COG5: variants seen among roughly 807,000 people sequenced by gnomAD.
COG5 encodes conserved oligomeric Golgi complex subunit 5.
Under a neutral mutation model 110.4 loss-of-function variants are expected in COG5, and 86 were observed. That is an observed-to-expected ratio of 0.78 (90% CI 0.65 to 0.93). The LOEUF (loss-of-function observed/expected upper bound fraction) is 0.93. Among genes scored for constraint, COG5 ranks in the 40% least tolerant of loss-of-function variants. The probability of loss-of-function intolerance (pLI) is 0.00; values close to 1 mark genes in which losing one functional copy is unlikely to be tolerated. For synonymous variants in COG5, 360 were observed against 334.6 expected (o/e 1.08, Z -0.83); for missense variants, 1,077 against 987.0 (o/e 1.09, Z -1.22).
chr7:107,493,191 GC>G (rs1165548652), intron 6 of COG5, among the ~76,000 whole-genome samples: 2 of 152,168 alleles, frequency 1.3e-5, no homozygotes, highest in African/African-American at 4.8e-5. Context: ...ACGTAAGGAT[GC>G]AGCACGAAGG....
chr7:107,279,661 A>C (rs1480258316), intron 14 of COG5, among the ~76,000 whole-genome samples: 1 of 152,176 alleles, frequency 6.6e-6, no homozygotes, highest in African/African-American at 2.4e-5. Flanking sequence ...ATTTTTAAAA[A>C]TAAGGCATAT....
intron 3 of COG5, among the ~76,000 whole-genome samples, chr7:107,548,619 G>A (rs913328987): frequency 3.9e-5 from 6 of 152,192 alleles, no homozygotes; most frequent in African/African-American, 1.2e-4. Context: ...CCTAGATACT[G>A]AGGATGGTTG....
intron 12 of COG5, among the ~76,000 whole-genome samples, chr7:107,288,137 G>T (rs1051654827): frequency 6.6e-6 from 1 of 152,180 alleles, no homozygotes; most frequent in African/African-American, 2.4e-5. Context: ...GCTGAGGCAG[G>T]AGGATCCCTT....
chr7:107,435,436 T>C (rs1441868995), intron 6 of COG5, among the ~76,000 whole-genome samples: 2 of 152,138 alleles, frequency 1.3e-5, no homozygotes, highest in African/African-American at 4.8e-5. Flanking sequence ...GTGGATCACT[T>C]GAGGTCAGGA....
intron 5 of COG5, among the ~76,000 whole-genome samples, chr7:107,538,469 G>T (rs950915302): frequency 1.3e-5 from 2 of 151,908 alleles, no homozygotes; most frequent in Admixed American, 6.6e-5. Flanking sequence ...TCTTTCTTTC[G>T]CCTATTAAAC....
rs548482153 is a variant in COG5, at chr7:107,365,115, C to T, written c.836-2695G>A. 1.1e-4 allele frequency among the ~76,000 whole-genome samples: 16 copies of T among 152,046 alleles called. No individual in the cohort carries two copies. In the South Asian group the frequency reaches 3.1e-3, roughly 30 times the overall value. On this transcript the variant is annotated intron_variant, in intron 8 of 21. Coordinates refer to ENST00000297135, the MANE Select transcript of COG5 (RefSeq NM_006348.5). ...TTATGAAACCCTTTAACCTATTATT[C>T]TTTTAAATACAAGCAGAAATACAAG...
At chr7:107,296,221 G>A (rs1411181544) in intron 12 of COG5, among the ~76,000 whole-genome samples, 1 of 147,054 alleles carries the variant, frequency 6.8e-6, no homozygotes, top group Non-Finnish European at 1.5e-5. Context: ...TTCACACAAG[G>A]AACATATATT....
At chr7:107,354,830 T>G (rs1052203208) in intron 10 of COG5, among the ~76,000 whole-genome samples, 1 of 152,216 alleles carries the variant, frequency 6.6e-6, no homozygotes, top group African/African-American at 2.4e-5. Flanking sequence ...TATTTGAGAT[T>G]ACATGACCTA....
At chr7:107,212,117 T>A (rs1175359592) in intron 19 of COG5, among the ~76,000 whole-genome samples, 1 of 152,194 alleles carries the variant, frequency 6.6e-6, no homozygotes, top group Non-Finnish European at 1.5e-5. Flanking sequence ...AATGATAAGG[T>A]CAAGAGTCAA....
chr7:107,508,875 T>C (rs1024358028), intron 6 of COG5, among the ~76,000 whole-genome samples: 4 of 152,028 alleles, frequency 2.6e-5, no homozygotes, highest in Non-Finnish European at 4.4e-5. Context: ...AGAAAGGACA[T>C]CCACACCAAA....
In COG5 at chr7:107,289,363, A is replaced by G. The variant is rs114840256; in HGVS notation, c.1314-5631T>C. Among the ~76,000 whole-genome samples the G allele has an allele frequency of 1.2e-3, 177 of 152,244 alleles. 2 individuals are homozygous for G. The highest frequency in any genetic ancestry group is 4.0e-3 in the African/African-American group (168 of 41,562). On this transcript the variant is annotated intron_variant, in intron 12 of 21. Coordinates refer to ENST00000297135, the MANE Select transcript of COG5 (RefSeq NM_006348.5). ...CTTCTATACTCTCAGTTTTATGTCT[A>G]TCCTTGTGCCAGGCAGTACTATACC...
intron 21 of COG5, chr7:107,209,917 G>A: frequency 4.1e-6 from 4 of 986,492 alleles, no homozygotes; most frequent in Non-Finnish European, 4.8e-6. Flanking sequence ...GATGGTGAGA[G>A]CAGTTGCAGG....
intron 6 of COG5, among the ~76,000 whole-genome samples, chr7:107,426,500 C>T (rs148622553): frequency 2.0e-5 from 3 of 152,258 alleles, no homozygotes; most frequent in East Asian, 1.9e-4. Flanking sequence ...AGGGTGCCAA[C>T]ATGGTCAGCT....
intron 6 of COG5, among the ~76,000 whole-genome samples, chr7:107,478,294 TTA>T (rs1797109740): frequency 6.6e-6 from 1 of 151,988 alleles, no homozygotes; most frequent in Non-Finnish European, 1.5e-5. Context: ...TTATTTATAA[TTA>T]TATGTCTTTT....
At chr7:107,419,832 T>G (rs1046427760) in intron 6 of COG5, among the ~76,000 whole-genome samples, 3 of 152,164 alleles carry the variant, frequency 2.0e-5, no homozygotes, top group Non-Finnish European at 4.4e-5. Context: ...CCTCCCAAAG[T>G]GCTGGGATTA....
chr7:107,563,762 G>A (rs759411310), intron 1 of COG5, 41 bp downstream of exon 1: 8 of 1,608,018 alleles, frequency 5.0e-6, no homozygotes, highest in Admixed American at 3.3e-5. Context: ...GAGCAGCGCA[G>A]ACCCCCAACC....
In COG5 at chr7:107,201,879, C is replaced by T. The variant is rs147954001; in HGVS notation, c.*1637G>A. The stretch of plus-strand genomic sequence containing the variant: ...ATGAAATGAAGCAGAAGCTGGGAGT[C>T]GGCCTTTCCTCTAGTAACCACCACA... On this transcript the variant is annotated 3_prime_UTR_variant, in exon 22 of 22. Transcript: ENST00000297135. 4.4e-3 allele frequency: 672 copies of T among 153,454 alleles called. 4 individuals are homozygous for T. Among genetic ancestry groups the T allele is most frequent in the Middle Eastern group, 0.02 (6 of 294 alleles). The allele number at this position is 153,454 out of a possible 1,614,324, so 9.5% of individuals were successfully genotyped here. A position where few individuals can be genotyped will look rare whatever the true frequency, so the allele number is the denominator to read the frequency against.
intron 6 of COG5, among the ~76,000 whole-genome samples, chr7:107,470,914 G>A (rs1400314810): frequency 6.6e-6 from 1 of 151,764 alleles, no homozygotes; most frequent in Non-Finnish European, 1.5e-5. Context: ...GAAATTTATA[G>A]TATCTTATGA....
intron 14 of COG5, among the ~76,000 whole-genome samples, chr7:107,270,017 C>T (rs970564110): frequency 1.3e-5 from 2 of 152,162 alleles, no homozygotes; most frequent in South Asian, 2.1e-4. Flanking sequence ...CACTTTATGG[C>T]GGTATAACCA....
Sources: gnomAD v4.1 joint callset for allele counts (sites outside exome capture counted in the v4.1 genomes callset) on GRCh38, gnomAD v4.1.1 for gene constraint, MANE v1.5 for transcripts, NCBI Gene and HGNC (gene_info 2026-07-23, HGNC 2026-07-21) for gene names.